The following CHN2 variants were observed in gnomAD, a reference collection of about 807,000 sequenced individuals.
CHN2 encodes beta-chimaerin.
CHN2 carries 35 observed loss-of-function variants against 56.3 expected under a neutral mutation model. That is an observed-to-expected ratio of 0.62 (90% CI 0.47 to 0.82). The LOEUF is 0.82. Ranked by LOEUF, CHN2 falls within the 40% of genes least tolerant of loss-of-function variation. The pLI is 0.00. For missense variants in CHN2, 491 were observed against 580.5 expected, an observed-to-expected ratio of 0.85 and a Z score of 1.58; for synonymous variants, 210 against 212.8, an observed-to-expected ratio of 0.99 and a Z score of 0.12.
chr7:29,447,196 G>T (rs1784093661), intron 6 of CHN2, among the ~76,000 whole-genome samples: 1 of 152,118 alleles, frequency 6.6e-6, no homozygotes, highest in South Asian at 2.1e-4. Flanking sequence ...GCAGACAAGG[G>T]TGCTTAAATG....
chr7:29,330,241 A>G (rs1307004381), intron 1 of CHN2, among the ~76,000 whole-genome samples: 1 of 152,218 alleles, frequency 6.6e-6, no homozygotes, highest in African/African-American at 2.4e-5. Flanking sequence ...GTAAAATAAC[A>G]GTGGCCTCAT....
At chr7:29,194,750 TAGC>T (rs1216267655), upstream of CHN2, 5 of 452,624 alleles carry the variant, frequency 1.1e-5, no homozygotes, top group Admixed American at 4.5e-5. Context: ...CACAAATAAA[TAGC>T]GGCGGCGGCA....
chr7:29,346,072 G>T (rs1407287620), intron 1 of CHN2, among the ~76,000 whole-genome samples: 2 of 152,154 alleles, frequency 1.3e-5, no homozygotes, highest in South Asian at 4.1e-4. Context: ...TCAGGGGAGT[G>T]CAGGGAACCA....
intron 1 of CHN2, among the ~76,000 whole-genome samples, chr7:29,299,595 G>A (rs1014135521): frequency 1.3e-5 from 2 of 151,478 alleles, no homozygotes; most frequent in African/African-American, 4.9e-5. Flanking sequence ...TGAGATAATA[G>A]ATAATAGTTC....
intron 1 of CHN2, among the ~76,000 whole-genome samples, chr7:29,332,473 G>C (rs1164697429): frequency 6.6e-6 from 1 of 152,170 alleles, no homozygotes; most frequent in Non-Finnish European, 1.5e-5. Flanking sequence ...ACCGTACTAT[G>C]AATTTTGAAT....
intron 2 of CHN2, among the ~76,000 whole-genome samples, chr7:29,183,773 T>C (rs776845224): frequency 2.0e-5 from 3 of 152,182 alleles, no homozygotes; most frequent in African/African-American, 7.2e-5. Flanking sequence ...ATATGATATA[T>C]GTAGATTAGA....
chr7:29,480,053 A>G, intron 6 of CHN2: 8 of 1,538,916 alleles, frequency 5.2e-6, no homozygotes, highest in Non-Finnish European at 7.0e-6. Flanking sequence ...AAATCCTGAC[A>G]GCACAGGGCT....
At chr7:29,289,544 A>G (rs560747229) in intron 1 of CHN2, among the ~76,000 whole-genome samples, 6 of 152,304 alleles carry the variant, frequency 3.9e-5, no homozygotes, top group East Asian at 1.9e-4. Context: ...ACAGGCGAAC[A>G]TTGGATAAGA....
intron 6 of CHN2, among the ~76,000 whole-genome samples, chr7:29,412,152 G>A (rs1803274353): frequency 6.6e-6 from 1 of 152,066 alleles, no homozygotes; most frequent in Non-Finnish European, 1.5e-5. Context: ...TTACTGAAAT[G>A]GGTAGGAATG....
intron 3 of CHN2, among the ~76,000 whole-genome samples, chr7:29,374,855 C>G (rs150511571): frequency 1.1e-4 from 8 of 69,850 alleles, no homozygotes; most frequent in East Asian, 3.1e-4. Context: ...CTTCCTGCCT[C>G]CCTCCCTCCC....
chr7:29,338,108 A>C (rs1796761602), intron 1 of CHN2, among the ~76,000 whole-genome samples: 1 of 152,340 alleles, frequency 6.6e-6, no homozygotes, highest in South Asian at 2.1e-4. Context: ...AGAGAGACTG[A>C]AGTAACAGCT....
intron 2 of CHN2, among the ~76,000 whole-genome samples, chr7:29,183,844 T>G (rs191288772): frequency 6.0e-4 from 91 of 152,246 alleles, no homozygotes; most frequent in African/African-American, 1.7e-3. Context: ...TCCACACCCA[T>G]GCATTCAACC....
chr7:29,267,685 G>A (rs1459326351), intron 1 of CHN2, among the ~76,000 whole-genome samples: 2 of 152,174 alleles, frequency 1.3e-5, no homozygotes, highest in South Asian at 4.1e-4. Context: ...TCCATTGATT[G>A]GAATGTCAAT....
chr7:29,292,857 A>G, intron 1 of CHN2: 2 of 455,518 alleles, frequency 4.4e-6, no homozygotes, highest in Non-Finnish European at 8.8e-6. Flanking sequence ...GTCTTGGGGA[A>G]GAAAATATAT....
intron 1 of CHN2, among the ~76,000 whole-genome samples, chr7:29,268,882 C>T (rs1163233959): frequency 1.3e-5 from 2 of 152,172 alleles, no homozygotes; most frequent in Non-Finnish European, 2.9e-5. Context: ...ATTAGAGATT[C>T]GCTTTTTATT....
chr7:29,257,990 C>G (rs1250773645), intron 1 of CHN2, among the ~76,000 whole-genome samples: 1 of 151,962 alleles, frequency 6.6e-6, no homozygotes. Context: ...TGCCGTGTTG[C>G]CCAGGTTAGT....
chr7:29,480,544 G>T (rs1483356699), intron 7 of CHN2, among the ~76,000 whole-genome samples, 188 bp downstream of exon 7: 1 of 152,214 alleles, frequency 6.6e-6, no homozygotes, highest in Non-Finnish European at 1.5e-5. Context: ...AAAGCAGTCT[G>T]CTCAGTGCTT....
intron 12 of CHN2, among the ~76,000 whole-genome samples, chr7:29,511,936 T>C (rs560795988): frequency 1.3e-5 from 2 of 152,290 alleles, no homozygotes; most frequent in South Asian, 4.2e-4. Flanking sequence ...GTCGAAATGA[T>C]TTTTAATTTC....
intron 6 of CHN2, among the ~76,000 whole-genome samples, chr7:29,403,411 A>G (rs928350880): frequency 6.6e-6 from 1 of 152,170 alleles, no homozygotes; most frequent in Admixed American, 6.5e-5. Flanking sequence ...ATATTTCTCA[A>G]TTCCAGACAC....
Sources: allele counts gnomAD v4.1 joint callset (sites outside exome capture counted in the v4.1 genomes callset), GRCh38; gene constraint gnomAD v4.1.1; transcripts MANE v1.5; gene names NCBI Gene and HGNC (gene_info 2026-07-23, HGNC 2026-07-21).